GNAO1: variants seen among roughly 807,000 people sequenced by gnomAD.
The protein encoded by GNAO1 is guanine nucleotide-binding protein G(o) subunit alpha.
For missense variants in GNAO1, 166 were observed against 478.7 expected (o/e 0.35, Z 6.10); for synonymous variants, 164 against 180.7 (o/e 0.91, Z 0.74).
At chr16:56,283,847 G>A (rs1373683712) in intron 3 of GNAO1, among the ~76,000 whole-genome samples, 1 of 152,126 alleles carries the variant, frequency 6.6e-6, no homozygotes, top group Non-Finnish European at 1.5e-5. Flanking sequence ...TGCCAGCCAG[G>A]TGAATAGAGC....
At chr16:56,334,987 C>A in intron 5 of GNAO1, 130 bp downstream of exon 5, 1 of 874,972 alleles carries the variant, frequency 1.1e-6, no homozygotes. Flanking sequence ...GGGCAGGCAG[C>A]TAGATACTAG....
chr16:56,240,766 G>A (rs1245776108), intron 2 of GNAO1, among the ~76,000 whole-genome samples: 1 of 152,118 alleles, frequency 6.6e-6, no homozygotes, highest in Non-Finnish European at 1.5e-5. Context: ...AGGGTGACAA[G>A]CTTATGAGCT....
chr16:56,331,657 G>T (rs1188370870), intron 4 of GNAO1, among the ~76,000 whole-genome samples: 1 of 152,056 alleles, frequency 6.6e-6, no homozygotes, highest in Non-Finnish European at 1.5e-5. Flanking sequence ...GATGGGGGAG[G>T]TCTGCTGGGG....
At chr16:56,316,454 G>A (rs544497980) in intron 3 of GNAO1, among the ~76,000 whole-genome samples, 1 of 152,158 alleles carries the variant, frequency 6.6e-6, no homozygotes, top group African/African-American at 2.4e-5. Context: ...GCTGTCCTAA[G>A]TTTAACCTTC....
In GNAO1 at chr16:56,256,426, C is replaced by A. The variant is rs1321748655; in HGVS notation, c.162-19505C>A. Among the ~76,000 whole-genome samples, 3 of 152,246 alleles carry A rather than the reference C, an allele frequency of 2.0e-5. No individual in the cohort carries two copies. In the South Asian group the frequency reaches 6.2e-4, roughly 32 times the overall value. ...TGGTCTTCCTTGGCCAAGTTCTTTC[C>A]GGCATCCATGGCTTTTGATCCTTGC... On this transcript the variant is annotated intron_variant, in intron 2 of 8. Transcript: ENST00000262493.
At chr16:56,206,602 G>A (rs925157106) in intron 2 of GNAO1, among the ~76,000 whole-genome samples, 21 of 152,078 alleles carry the variant, frequency 1.4e-4, no homozygotes, top group Non-Finnish European at 2.8e-4. Context: ...TCGTAATTGC[G>A]GTGATGGTTA....
intron 6 of GNAO1, chr16:56,346,296 A>T (rs2037869040): frequency 1.0e-6 from 1 of 985,250 alleles, no homozygotes. Context: ...GTGGATGTGG[A>T]TGTGGGAGGA....
chr16:56,344,016 G>A (rs915845795), intron 6 of GNAO1: 3 of 1,588,414 alleles, frequency 1.9e-6, no homozygotes, highest in Non-Finnish European at 2.6e-6. Context: ...CTGGAACCAG[G>A]CTCCACCACT....
At chr16:56,215,781 C>T (rs1051278349) in intron 2 of GNAO1, among the ~76,000 whole-genome samples, 21 of 152,132 alleles carry the variant, frequency 1.4e-4, no homozygotes, top group African/African-American at 5.1e-4. Flanking sequence ...TTATATGAAA[C>T]TTCAGTATAC....
chr16:56,332,354 C>T (rs1338130705), intron 4 of GNAO1, among the ~76,000 whole-genome samples: 1 of 152,186 alleles, frequency 6.6e-6, no homozygotes. Flanking sequence ...CCAGTGTTTC[C>T]ACTGGGCCAC....
chr16:56,246,483 T>C (rs1240025644), intron 2 of GNAO1, among the ~76,000 whole-genome samples: 2 of 151,514 alleles, frequency 1.3e-5, no homozygotes, highest in African/African-American at 4.9e-5. Flanking sequence ...TCCTGGAGGG[T>C]ACTTCTGGAT....
chr16:56,210,720 G>T (rs1027020975), intron 2 of GNAO1, among the ~76,000 whole-genome samples: 17 of 152,174 alleles, frequency 1.1e-4, no homozygotes, highest in Admixed American at 1.1e-3. Context: ...TATCTCCTTT[G>T]GTGAGGTGTC....
intron 5 of GNAO1, 27 bp from the exon 6 acceptor site, chr16:56,336,704 C>T (rs369026621): frequency 3.0e-5 from 48 of 1,590,588 alleles, no homozygotes; most frequent in Non-Finnish European, 3.8e-5. Context: ...CTGGACCCTG[C>T]GCCTACCAGC....
intron 2 of GNAO1, among the ~76,000 whole-genome samples, chr16:56,270,040 C>G (rs2037001348): frequency 6.6e-6 from 1 of 152,140 alleles, no homozygotes; most frequent in Non-Finnish European, 1.5e-5. Flanking sequence ...CTGCAGGGTC[C>G]CTAAGGCAGC....
Position 56,202,319 on chromosome 16 carries a change from A to C in GNAO1, c.161+9703A>C, listed in dbSNP as rs560975951. Among the ~76,000 whole-genome samples, 31 of 152,306 alleles carry C rather than the reference A, an allele frequency of 2.0e-4. No homozygotes were observed. The South Asian group carries it at 6.2e-3, about 31-fold the overall frequency. On this transcript the variant is annotated intron_variant, in intron 2 of 8. Transcript: ENST00000262493. ...AATAGACTGGTGGGAGAAAAGCCAA[A>C]TTGCAGTGGAGTTAAGAAATGTGTG... is the stretch of plus-strand genomic sequence containing the variant.
chr16:56,257,186 A>T (rs554384622), intron 2 of GNAO1, among the ~76,000 whole-genome samples: 15 of 152,016 alleles, frequency 9.9e-5, no homozygotes, highest in Non-Finnish European at 1.9e-4. Flanking sequence ...GGGGGGGGGA[A>T]ATTAGAAGTT....
chr16:56,245,099 A>G (rs548138355), intron 2 of GNAO1, among the ~76,000 whole-genome samples: 162 of 152,332 alleles, frequency 1.1e-3, no homozygotes, highest in African/African-American at 3.7e-3. Flanking sequence ...TAGCTGAGCC[A>G]GGAGAAAGCA....
chr16:56,321,845 C>A (rs1351793095), intron 3 of GNAO1, among the ~76,000 whole-genome samples: 1 of 152,234 alleles, frequency 6.6e-6, no homozygotes, highest in Non-Finnish European at 1.5e-5. Context: ...GAAGTCAGCT[C>A]TAGCCGTCTG....
In GNAO1 at chr16:56,239,354, T is replaced by TA. The variant is rs2036672164; in HGVS notation, c.162-36576dup. On this transcript the variant is annotated intron_variant, in intron 2 of 8. Coordinates refer to ENST00000262493, the MANE Select transcript of GNAO1 (RefSeq NM_020988.3). Reference sequence around the variant, plus strand: ...GTGGTCTCAAAAGAGAAAAAAGACTTATGTTTTAATAAAACTCCCTTTAAT... The same window carrying TA: ...GTGGTCTCAAAAGAGAAAAAAGACTTAATGTTTTAATAAAACTCCCTTTAAT... 2.0e-5 allele frequency among the ~76,000 whole-genome samples: 3 copies of TA among 152,344 alleles called. No individual in the cohort carries two copies. The South Asian group carries it at 6.2e-4, about 32-fold the overall frequency.
Sources: gnomAD v4.1 joint callset for allele counts (sites outside exome capture counted in the v4.1 genomes callset) on GRCh38, gnomAD v4.1.1 for gene constraint, MANE v1.5 for transcripts, NCBI Gene and HGNC (gene_info 2026-07-23, HGNC 2026-07-21) for gene names.